Variants in MCC observed in about 807,000 individuals in gnomAD.
The protein encoded by MCC is colorectal mutant cancer protein.
In MCC, 90 loss-of-function variants were observed where a neutral mutation model predicts 116.2. The observed-to-expected ratio is 0.77, with a 90% CI of 0.65 to 0.92. The LOEUF (loss-of-function observed/expected upper bound fraction) is 0.92. Among genes scored for constraint, MCC ranks in the 40% least tolerant of loss-of-function variants. The pLI is 0.00. For missense variants in MCC, 1,516 were observed against 1,312.2 expected (o/e 1.16, Z -2.40); for synonymous variants, 578 against 510.5 (o/e 1.13, Z -1.78).
chr5:113,103,618 T>A (rs1191194293), intron 7 of MCC, among the ~76,000 whole-genome samples: 1 of 152,224 alleles, frequency 6.6e-6, no homozygotes, highest in Non-Finnish European at 1.5e-5. Context: ...CTGCATTTTC[T>A]CTTTATGGGC....
rs182505917 is a variant in MCC at position 113,445,994 on chromosome 5, G to C, written c.170+42251C>G. Among the ~76,000 whole-genome samples the C allele has an allele frequency of 4.6e-5, 7 of 152,168 alleles. No individual in the cohort carries two copies. In the East Asian group the frequency reaches 1.4e-3, roughly 29 times the overall value. On this transcript the variant is annotated intron_variant, in intron 1 of 18. Transcript: ENST00000408903. Reference sequence around the variant, plus strand: ...TGACAAAGTTGACAAAAATAATCAAGAGGAAAGGACTCTATTCAATAAATG... The same window carrying C: ...TGACAAAGTTGACAAAAATAATCAACAGGAAAGGACTCTATTCAATAAATG...
Position 113,022,993 on chromosome 5 carries a change from C to T in MCC, c.*4309G>A, listed in dbSNP as rs1750256137. 1 of 152,214 alleles carries T rather than the reference C, an allele frequency of 6.6e-6. No individual in the cohort carries two copies. Among genetic ancestry groups the T allele is most frequent in the Admixed American group, 6.5e-5 (1 of 15,278 alleles). 9.4% of individuals were successfully genotyped at this position (152,214 alleles called of 1,614,324 possible). A position where few individuals can be genotyped will look rare whatever the true frequency, so the allele number is the denominator to read the frequency against. ...CTGCATGTGAAACTGTCTTTCTCTA[C>T]ACAGGTATTAGCAAAACAAGAATAC... On this transcript the variant is annotated 3_prime_UTR_variant, in exon 19 of 19. Coordinates refer to ENST00000408903, the MANE Select transcript of MCC (RefSeq NM_001085377.2).
At chr5:113,364,262 C>CAAAAAAAAAAAAAAAAAAAAAA (rs1561538969) in intron 2 of MCC, among the ~76,000 whole-genome samples, 1 of 78,608 alleles carries the variant, frequency 1.3e-5, no homozygotes, top group Non-Finnish European at 2.6e-5. Context: ...AAAAAAAAAC[C>CAAAAAAAAAAAAAAAAAAAAAA]AGAAAAAAAA....
intron 1 of MCC, among the ~76,000 whole-genome samples, chr5:113,386,814 T>TATACATACACAC (rs1554080439): frequency 4.0e-5 from 6 of 149,714 alleles, no homozygotes; most frequent in Non-Finnish European, 8.9e-5. Flanking sequence ...CATATACACA[T>TATACATACACAC]ACACATATAT....
chr5:113,106,798 GC>G (rs1162275911), intron 6 of MCC, among the ~76,000 whole-genome samples: 1 of 152,122 alleles, frequency 6.6e-6, no homozygotes, highest in Non-Finnish European at 1.5e-5. Context: ...CAATCCTCCT[GC>G]CACAGGCTTC....
chr5:113,241,650 T>C (rs1322909373), intron 3 of MCC, among the ~76,000 whole-genome samples: 3 of 152,222 alleles, frequency 2.0e-5, no homozygotes, highest in Non-Finnish European at 4.4e-5. Context: ...CAGAGAACTC[T>C]GTGATATGAA....
At position 113,068,007 on chromosome 5, in the gene MCC, G is replaced by A. The variant is rs73235038; in HGVS notation, c.2029+73C>T. 2.5e-4 allele frequency: 332 copies of A among 1,323,368 alleles called. 1 individual carries two copies. The African/African-American group carries it at 3.8e-3, about 15-fold the overall frequency. 82.0% of individuals were successfully genotyped at this position (1,323,368 alleles called of 1,614,324 possible). A position where few individuals can be genotyped will look rare whatever the true frequency, so the allele number is the denominator to read the frequency against. ...GTTGTCGGGAGATGATTCAATGCCA[G>A]TTGCTGAGACAGGGGCAGAAGCAAA... On this transcript the variant is annotated intron_variant, in intron 13 of 18. Transcript: ENST00000408903.
chr5:113,281,795 A>T, intron 3 of MCC, among the ~76,000 whole-genome samples: 1 of 152,180 alleles, frequency 6.6e-6, no homozygotes, highest in East Asian at 1.9e-4. Flanking sequence ...TTTTCATGAC[A>T]TATTGGTCTA....
chr5:113,449,737 G>T (rs576872388), intron 1 of MCC, among the ~76,000 whole-genome samples: 1 of 152,296 alleles, frequency 6.6e-6, no homozygotes, highest in East Asian at 1.9e-4. Flanking sequence ...CTACATGTGG[G>T]TTTGGGAAGT....
Position 113,085,227 on chromosome 5 carries a change from C to A in MCC, c.1482G>T (p.Pro494=). 1.9e-6 allele frequency: 3 copies of A among 1,614,142 alleles called. No homozygotes were observed. The highest frequency in any genetic ancestry group is 2.5e-6 in the Non-Finnish European group (3 of 1,180,020). Residue 494 remains proline (P), a synonymous_variant, in exon 9 of 19, where the codon CCG becomes CCT. Coordinates refer to ENST00000408903, the MANE Select transcript of MCC (RefSeq NM_001085377.2). ...TCAGCTCCCCAGTGCTGGGGTTAAT[C>A]GGGCGGTTGGTGGAAGTGAGGCGGC... ...SPGRLTSTNR[P]INPSTGELST...
chr5:113,109,219 G>T (rs1238777617), intron 6 of MCC, among the ~76,000 whole-genome samples: 1 of 152,186 alleles, frequency 6.6e-6, no homozygotes, highest in Non-Finnish European at 1.5e-5. Context: ...GTACCCCGAT[G>T]TTCATAGCAG....
Position 113,077,718 on chromosome 5 carries a change from T to A in MCC, c.1784+5142A>T, listed in dbSNP as rs567976724. On this transcript the variant is annotated intron_variant, in intron 11 of 18. Transcript: ENST00000408903. ...AAGAGAAAGCAGGAAAGATCTAAAA[T>A]CGACACCCTAACATCACAATTAAAA... Among the ~76,000 whole-genome samples, 23 of 152,118 alleles carry A rather than the reference T, an allele frequency of 1.5e-4. No homozygotes were observed. The South Asian group carries it at 4.8e-3, about 32-fold the overall frequency.
At chr5:113,220,183 C>A (rs13181262) in intron 3 of MCC, among the ~76,000 whole-genome samples, 14,610 of 47,378 alleles carry the variant, frequency 0.31, 6,653 homozygotes, top group Non-Finnish European at 0.86. Context: ...GCAGCCTCCT[C>A]AGTAGCTGGG....
chr5:113,417,433 G>A (rs1475793951), intron 1 of MCC, among the ~76,000 whole-genome samples: 1 of 152,146 alleles, frequency 6.6e-6, no homozygotes, highest in Non-Finnish European at 1.5e-5. Flanking sequence ...ATGCTGTTAT[G>A]GCTTTAACCA....
chr5:113,328,871 T>A (rs1030043107), intron 3 of MCC, among the ~76,000 whole-genome samples: 3 of 152,162 alleles, frequency 2.0e-5, no homozygotes, highest in African/African-American at 7.2e-5. Flanking sequence ...CCATGTCCAG[T>A]TCAGATGTGT....
intron 17 of MCC, among the ~76,000 whole-genome samples, chr5:113,038,807 G>C (rs574782502): frequency 6.6e-6 from 1 of 152,126 alleles, no homozygotes; most frequent in Admixed American, 6.5e-5. Context: ...TCAGCAGAGA[G>C]GGGAAAGGAA....
chr5:113,273,938 C>T (rs971600655), intron 3 of MCC, among the ~76,000 whole-genome samples: 9 of 152,188 alleles, frequency 5.9e-5, no homozygotes. Flanking sequence ...AATTGCACTC[C>T]TAATTATGGG....
intron 1 of MCC, among the ~76,000 whole-genome samples, chr5:113,445,456 C>T (rs751389621): frequency 6.6e-6 from 1 of 152,042 alleles, no homozygotes; most frequent in African/African-American, 2.4e-5. Context: ...ACAGTAATAA[C>T]GTTCAAGCTA....
intron 3 of MCC, among the ~76,000 whole-genome samples, chr5:113,240,231 T>C (rs1008899959): frequency 2.3e-4 from 35 of 152,134 alleles, no homozygotes; most frequent in African/African-American, 8.4e-4. Context: ...TGTTGAAAAC[T>C]TGACCCAATT....
Sources: gnomAD v4.1 joint callset for allele counts (sites outside exome capture counted in the v4.1 genomes callset) on GRCh38, gnomAD v4.1.1 for gene constraint, MANE v1.5 for transcripts, NCBI Gene and HGNC (gene_info 2026-07-23, HGNC 2026-07-21) for gene names.